SPATA3: variants seen among roughly 807,000 people sequenced by gnomAD.
SPATA3 encodes the protein spermatogenesis associated 3.
SPATA3 carries 6 observed loss-of-function variants against 5.7 expected under a neutral mutation model. The observed-to-expected ratio is 1.06, with a 90% CI of 0.58 to 2.09. The LOEUF (loss-of-function observed/expected upper bound fraction) is 2.09. SPATA3 is among the 30% of genes most tolerant of loss of function. The probability of loss-of-function intolerance (pLI) is 0.00; values close to 1 mark genes in which losing one functional copy is unlikely to be tolerated. For missense variants in SPATA3, 155 were observed against 130.4 expected, an observed-to-expected ratio of 1.19 and a Z score of -0.92; for synonymous variants, 44 against 48.4, an observed-to-expected ratio of 0.91 and a Z score of 0.37.
downstream of SPATA3, among the ~76,000 whole-genome samples, chr2:231,007,544 G>A (rs146506470): frequency 1.4e-4 from 22 of 152,366 alleles, no homozygotes; most frequent in Non-Finnish European, 2.6e-4. Flanking sequence ...AACGTAGTTA[G>A]TCATCTGCAC....
chr2:231,000,360 C>A lies in SPATA3; in HGVS notation c.791-6C>A. Reference sequence around the variant, plus strand: ...CTCCCTCACCTCTCTCCTTCTGTCCCCACAGGGCCTCTGATTCGCGCCGGC... The same window carrying A: ...CTCCCTCACCTCTCTCCTTCTGTCCACACAGGGCCTCTGATTCGCGCCGGC... On this transcript the variant is annotated splice_region_variant and splice_polypyrimidine_tract_variant and intron_variant, in intron 1 of 2. Coordinates refer to ENST00000645363, the Ensembl canonical transcript of SPATA3. 1.3e-6 allele frequency: 2 copies of A among 1,486,792 alleles called. No individual in the cohort carries two copies. Among genetic ancestry groups the A allele is most frequent in the South Asian group, 2.7e-5 (2 of 75,112 alleles). 92.1% of individuals were successfully genotyped at this position (1,486,792 alleles called of 1,614,324 possible).
At chr2:231,005,205 C>A (rs952357361), downstream of SPATA3, among the ~76,000 whole-genome samples, 13 of 128,954 alleles carry the variant, frequency 1.0e-4, no homozygotes, top group Middle Eastern at 4.8e-3. Context: ...TTCACCATCA[C>A]CATCATCACC....
rs370978543 is a variant in SPATA3 at position 231,014,804 on chromosome 2, G to A, written c.*565+592G>A. Among the ~76,000 whole-genome samples, 12 of 152,316 alleles carry A rather than the reference G, an allele frequency of 7.9e-5. No individual in the cohort carries two copies. The East Asian group carries it at 1.9e-3, about 25-fold the overall frequency. ...CAAACACTTCCATCTTTCTCACAGTGACCTCTCAAGGTAGCCCCCTGGGGT... is the reference window on the plus strand; with the variant it reads ...CAAACACTTCCATCTTTCTCACAGTAACCTCTCAAGGTAGCCCCCTGGGGT... On this transcript the variant is annotated intron_variant, in intron 6 of 8. Transcript: ENST00000452881.
chr2:231,011,072 C>CAAAAAA (rs556496371), downstream of SPATA3, among the ~76,000 whole-genome samples: 92 of 79,806 alleles, frequency 1.2e-3, 4 homozygotes, highest in Middle Eastern at 0.015. Flanking sequence ...GACCCTGTCT[C>CAAAAAA]AAAAAAAAAA....
Position 230,996,123 on chromosome 2 carries a change from C to G in SPATA3, c.791-4243C>G, listed in dbSNP as rs2271369. On this transcript the variant is annotated intron_variant, in intron 1 of 2. Transcript: ENST00000645363. ...TGTTCTCTGTGGGGCCTGGGTCCAGCTGGAGGCCCAAGCCAGGCTCCTAGG... is the reference window on the plus strand; with the variant it reads ...TGTTCTCTGTGGGGCCTGGGTCCAGGTGGAGGCCCAAGCCAGGCTCCTAGG... The G allele has an allele frequency of 1.1e-5, 13 of 1,196,448 alleles. No homozygotes were observed. In the East Asian group the frequency reaches 3.1e-4, roughly 28 times the overall value. 74.1% of individuals were successfully genotyped at this position (1,196,448 alleles called of 1,614,324 possible). A position where few individuals can be genotyped will look rare whatever the true frequency, so the allele number is the denominator to read the frequency against.
At chr2:231,006,748 C>T (rs958143512), downstream of SPATA3, 5 of 152,184 alleles carry the variant, frequency 3.3e-5, no homozygotes, top group Admixed American at 1.3e-4. Context: ...ACGACAGTGA[C>T]ATCTTTCCTT....
intron 6 of SPATA3, among the ~76,000 whole-genome samples, chr2:231,016,535 G>T (rs731838): frequency 0.38 from 54,857 of 144,670 alleles, 11,341 homozygotes; most frequent in African/African-American, 0.51. Flanking sequence ...GAAGAAGAAG[G>T]TTAGCTGGGT....
At chr2:231,009,312 G>A (rs563641444), downstream of SPATA3, among the ~76,000 whole-genome samples, 55 of 152,204 alleles carry the variant, frequency 3.6e-4, no homozygotes, top group African/African-American at 1.3e-3. Flanking sequence ...TGCTCAAGTG[G>A]CCAGGAGAGA....
intron 6 of SPATA3, among the ~76,000 whole-genome samples, chr2:231,016,277 G>T (rs1168634723): frequency 1.3e-5 from 2 of 152,136 alleles, no homozygotes; most frequent in Non-Finnish European, 2.9e-5. Context: ...GAACCAAGAG[G>T]TTCTGGGTTC....
At chr2:231,005,541 C>T (rs62193670), downstream of SPATA3, among the ~76,000 whole-genome samples, 9 of 39,420 alleles carry the variant, frequency 2.3e-4, no homozygotes, top group East Asian at 1.1e-3. Flanking sequence ...ATCATCACCA[C>T]CATCATCACC....
At chr2:231,016,180 A>C (rs1487929841) in intron 6 of SPATA3, among the ~76,000 whole-genome samples, 1 of 152,092 alleles carries the variant, frequency 6.6e-6, no homozygotes, top group Non-Finnish European at 1.5e-5. Context: ...CCAGAAGCTC[A>C]AATCTAATGA....
In SPATA3 at chr2:231,002,730, A is replaced by G. The variant is rs1056039864; in HGVS notation, c.1009A>G (p.Ser337Gly). Residue 337 changes from serine (S) to glycine (G), a missense_variant, in exon 3 of 3, where the codon AGC (serine) becomes GGC (glycine). By Grantham distance (56) the Ser-to-Gly change is moderately conservative. Coordinates refer to ENST00000645363, the Ensembl canonical transcript of SPATA3. ...CAGTCATCGTAACGCGTGTCCTCCA[A>G]GCCCTCGGAACTGTGGCTGTGGCTC... 14 of 1,533,462 alleles carry G rather than the reference A, an allele frequency of 9.1e-6. No homozygotes were observed. Among genetic ancestry groups the G allele is most frequent in the Non-Finnish European group, 1.2e-5 (14 of 1,138,070 alleles). The allele number at this position is 1,533,462 out of a possible 1,614,324, so 95.0% of individuals were successfully genotyped here.
chr2:230,996,199 C>T (rs1313238776), intron 1 of SPATA3: 8 of 1,532,000 alleles, frequency 5.2e-6, no homozygotes, highest in Non-Finnish European at 7.0e-6. Flanking sequence ...TACGCAGCTC[C>T]ATGTAGGTCC....
rs920394419 is a variant in SPATA3, at chr2:230,996,496, A to T, written c.791-3870A>T. The T allele has an allele frequency of 3.2e-6, 5 of 1,552,098 alleles. No individual in the cohort carries two copies. The Admixed American group carries it at 5.9e-5, about 18-fold the overall frequency. ...TCCTCTTGCTGCCTTTTATCTCCAG[A>T]TGCTAACGTGAAGGCAGCCCCTCAA... is the stretch of plus-strand genomic sequence containing the variant. On this transcript the variant is annotated intron_variant, in intron 1 of 2. Transcript: ENST00000645363.
chr2:231,011,028 G>A (rs184195646), downstream of SPATA3, among the ~76,000 whole-genome samples: 137 of 130,210 alleles, frequency 1.1e-3, 3 homozygotes, highest in East Asian at 0.027. Context: ...AGCTGAGATC[G>A]TGCCACTGCA....
downstream of SPATA3, among the ~76,000 whole-genome samples, chr2:231,009,207 C>T (rs1397914665): frequency 6.6e-6 from 1 of 152,234 alleles, no homozygotes; most frequent in African/African-American, 2.4e-5. Flanking sequence ...ACAGCACATG[C>T]TCCCTCCAGT....
chr2:231,005,096 CTCATCACCATCA>C (rs1692507781), downstream of SPATA3, among the ~76,000 whole-genome samples: 5 of 9,880 alleles, frequency 5.1e-4, no homozygotes, highest in African/African-American at 2.3e-3. Context: ...CATCACCATC[CTCATCACCATCA>C]CCATCATCAC....
chr2:231,015,123 A>G (rs939128190), intron 6 of SPATA3, among the ~76,000 whole-genome samples: 3 of 151,774 alleles, frequency 2.0e-5, no homozygotes, highest in African/African-American at 7.3e-5. Context: ...CAGAGTCCCA[A>G]CTGAGGAGAG....
downstream of SPATA3, among the ~76,000 whole-genome samples, chr2:231,008,671 C>G (rs1040482848): frequency 6.6e-6 from 1 of 152,206 alleles, no homozygotes; most frequent in Non-Finnish European, 1.5e-5. Context: ...CTGGGGACTC[C>G]ATGGCTGCAG....
Sources: allele counts gnomAD v4.1 joint callset (sites outside exome capture counted in the v4.1 genomes callset), GRCh38; gene constraint gnomAD v4.1.1; transcripts MANE v1.5; gene names NCBI Gene and HGNC (gene_info 2026-07-23, HGNC 2026-07-21).